Variants in IGDCC4 observed in about 807,000 individuals in gnomAD.
IGDCC4 encodes the protein immunoglobulin superfamily DCC subclass member 4, also known as likely ortholog of mouse neighbor of Punc E11.
IGDCC4 carries 72 observed loss-of-function variants against 116.6 expected under a neutral mutation model. That is an observed-to-expected ratio of 0.62 (90% CI 0.51 to 0.75). The LOEUF is 0.75. IGDCC4 is among the 30% of genes least tolerant of loss of function. The pLI is 0.00. For missense variants in IGDCC4, 1,501 were observed against 1,662.4 expected, an observed-to-expected ratio of 0.90 and a Z score of 1.69; for synonymous variants, 709 against 719.9, an observed-to-expected ratio of 0.98 and a Z score of 0.24.
At chr15:65,407,488 G>A (rs900234262) in intron 3 of IGDCC4, among the ~76,000 whole-genome samples, 13 of 144,986 alleles carry the variant, frequency 9.0e-5, no homozygotes, top group South Asian at 2.2e-4. Flanking sequence ...GTTTATAGGC[G>A]CCTGCCACCA....
At chr15:65,398,222 T>G (rs979186335) in intron 5 of IGDCC4, among the ~76,000 whole-genome samples, 2 of 152,126 alleles carry the variant, frequency 1.3e-5, no homozygotes, top group Admixed American at 1.3e-4. Flanking sequence ...ACGGTGAACA[T>G]GTACAACATT....
At chr15:65,401,385 C>T (rs777737811) in intron 4 of IGDCC4, among the ~76,000 whole-genome samples, 2 of 152,222 alleles carry the variant, frequency 1.3e-5, no homozygotes, top group African/African-American at 2.4e-5. Context: ...AAAAGGCAGA[C>T]AGTGGGCTTG....
intron 1 of IGDCC4, among the ~76,000 whole-genome samples, chr15:65,413,927 T>G (rs143825963): frequency 2.6e-5 from 4 of 152,248 alleles, no homozygotes; most frequent in African/African-American, 9.6e-5. Context: ...ATGTAGCAGG[T>G]GACCTCTGAG....
Position 65,396,886 on chromosome 15 carries a change from G to C in IGDCC4, c.945C>G (p.Asn315Lys). 6.3e-7 allele frequency: 1 copy of C among 1,576,700 alleles called. No individual in the cohort carries two copies. Among genetic ancestry groups the C allele is most frequent in the African/African-American group, 1.3e-5 (1 of 74,374 alleles). ...WHSGVYVCRA[N>K]KPRTRDFATA... ...TGGCGAAGTCGCGCGTGCGGGGCTT[G>C]TTGGCGCGGCAGACATAGACGCCGG... The change falls in exon 6 of 20, where the codon AAC becomes AAG. Residue 315 changes from asparagine to lysine, a missense_variant. Physicochemically the swap from Asn to Lys is moderately conservative, Grantham distance 94. Around this residue, in one of 3 missense-constraint regions of IGDCC4, gnomAD observed 898 missense variants for 978.9 expected, o/e 0.92. Coordinates refer to ENST00000352385, the MANE Select transcript of IGDCC4 (RefSeq NM_020962.3).
chr15:65,410,601 G>A (rs988708449), intron 2 of IGDCC4: 3 of 506,190 alleles, frequency 5.9e-6, no homozygotes, highest in South Asian at 4.5e-5. Flanking sequence ...GTTACTTCAT[G>A]GTGATCTGTG....
At chr15:65,403,789 C>A (rs2063014453) in intron 3 of IGDCC4, among the ~76,000 whole-genome samples, 1 of 152,002 alleles carries the variant, frequency 6.6e-6, no homozygotes, top group African/African-American at 2.4e-5. Flanking sequence ...GTGTTCCCTG[C>A]CCTCTGGGCT....
At chr15:65,421,288 T>A (rs1207091033) in intron 1 of IGDCC4, among the ~76,000 whole-genome samples, 1 of 152,110 alleles carries the variant, frequency 6.6e-6, no homozygotes, top group Non-Finnish European at 1.5e-5. Context: ...GACCCTGAGC[T>A]CGTTCCAGGA....
chr15:65,389,428 C>T lies in IGDCC4; in HGVS notation c.2409-17G>A, dbSNP rs1390699065. 5.0e-6 allele frequency: 8 copies of T among 1,614,038 alleles called. No individual in the cohort carries two copies. The highest frequency in any genetic ancestry group is 4.5e-5 in the East Asian group (2 of 44,884). ...TCTCCAGAACTGCTAAGGCAAGAAA[C>T]GTGACTAGTGCTCTCAGGCACACTC... On this transcript the variant is annotated splice_polypyrimidine_tract_variant and intron_variant, in intron 13 of 19. Transcript: ENST00000352385.
intron 3 of IGDCC4, among the ~76,000 whole-genome samples, chr15:65,402,738 A>G (rs1046587026): frequency 2.6e-5 from 4 of 152,124 alleles, no homozygotes; most frequent in Non-Finnish European, 1.5e-5. Flanking sequence ...GTAGTGGTGC[A>G]TGCCTGTAAT....
chr15:65,384,249 C>T lies in IGDCC4; in HGVS notation c.3513G>A (p.Gly1171=), dbSNP rs1445685269. 6.2e-7 allele frequency: 1 copy of T among 1,600,466 alleles called. No homozygotes were observed. Among genetic ancestry groups the T allele is most frequent in the Non-Finnish European group, 8.5e-7 (1 of 1,171,046 alleles). The change falls in exon 20 of 20, where the codon GGG becomes GGA. Residue 1171 remains glycine (G), a synonymous_variant. Transcript: ENST00000352385. The surrounding 1 kb of genome is among the most constrained non-coding windows in gnomAD (Gnocchi z 4.9). The stretch of plus-strand genomic sequence containing the variant: ...GCCAGGCTGCCCCCTGCCCTGGATC[C>T]CCAACACCCGAGATGAGATCAGGAG... ...PEAPDLISGV[G]DPGQGAAWLD...
In IGDCC4 at chr15:65,395,266, C is replaced by G. The variant is rs1263682313; in HGVS notation, c.1412-8G>C. 1.2e-6 allele frequency: 2 copies of G among 1,604,630 alleles called. No homozygotes were observed. The highest frequency in any genetic ancestry group is 4.5e-5 in the East Asian group (2 of 44,580). ...ATTCCACATTGTCCATGCCTGGTGACACGGGGGACAAGGGGACTGTCATAG... is the reference window on the plus strand; with the variant it reads ...ATTCCACATTGTCCATGCCTGGTGAGACGGGGGACAAGGGGACTGTCATAG... On this transcript the variant is annotated splice_polypyrimidine_tract_variant and splice_region_variant and intron_variant, in intron 7 of 19. Transcript: ENST00000352385.
rs369041917 is a variant in IGDCC4, at chr15:65,411,060, G to C, written c.381C>G (p.Leu127=). ...CAGCAGTCTGGCTGGCCAGCACTCC[G>C]AGGGGGCCGTGGGCTAGGCACGAAT... The part of the protein sequence containing the change: ...GNYSCLAHGP[L]GVLASQTAVV... Residue 127 remains leucine, a synonymous_variant, in exon 2 of 20, where the codon CTC becomes CTG. Transcript: ENST00000352385. 5.0e-6 allele frequency: 8 copies of C among 1,613,590 alleles called. No homozygotes were observed. Among genetic ancestry groups the C allele is most frequent in the Non-Finnish European group, 1.7e-6 (2 of 1,179,738 alleles).
At chr15:65,387,683 A>C (rs909013296) in intron 16 of IGDCC4, among the ~76,000 whole-genome samples, 1 of 151,856 alleles carries the variant, frequency 6.6e-6, no homozygotes. Context: ...AATAAGGGAT[A>C]GCACCTTTTC....
rs2062920894 is a variant in IGDCC4 at position 65,395,944 on chromosome 15, A to C, written c.1217T>G (p.Val406Gly). 6.3e-7 allele frequency: 1 copy of C among 1,589,766 alleles called. No individual in the cohort carries two copies. The change falls in exon 7 of 20, where the codon GTG becomes GGG. Residue 406 changes from valine to glycine, a missense_variant. This residue lies in a region of IGDCC4 where 898 missense variants were observed against 978.9 expected (regional missense o/e 0.92). Transcript: ENST00000352385. ...GLQDAGYYQC[V>G]AENSAGMACA... ...CGCCATTCCCGCGCTGTTCTCAGCCACGCACTGGTAGTAGCCGGCGTCCTG... is the reference window on the plus strand; with the variant it reads ...CGCCATTCCCGCGCTGTTCTCAGCCCCGCACTGGTAGTAGCCGGCGTCCTG...
intron 5 of IGDCC4, among the ~76,000 whole-genome samples, chr15:65,400,200 C>T (rs933394463): frequency 1.3e-4 from 20 of 152,244 alleles, no homozygotes; most frequent in African/African-American, 4.6e-4. Context: ...TCCAGTCACT[C>T]AGTGGCACTT....
intron 3 of IGDCC4, among the ~76,000 whole-genome samples, chr15:65,407,697 G>T (rs1414596816): frequency 6.6e-6 from 1 of 150,380 alleles, no homozygotes; most frequent in African/African-American, 2.5e-5. Flanking sequence ...CTCAATTTTG[G>T]CTCACTGCAA....
chr15:65,413,927 T>C (rs143825963), intron 1 of IGDCC4, among the ~76,000 whole-genome samples: 2 of 152,366 alleles, frequency 1.3e-5, no homozygotes, highest in African/African-American at 2.4e-5. Flanking sequence ...ATGTAGCAGG[T>C]GACCTCTGAG....
chr15:65,389,617 C>G (rs1384900060), intron 13 of IGDCC4, among the ~76,000 whole-genome samples: 1 of 152,176 alleles, frequency 6.6e-6, no homozygotes, highest in Non-Finnish European at 1.5e-5. Context: ...AATCTCGAAA[C>G]CAGACCCCTT....
chr15:65,415,751 C>T (rs1240028588), intron 1 of IGDCC4, among the ~76,000 whole-genome samples: 1 of 152,194 alleles, frequency 6.6e-6, no homozygotes, highest in Non-Finnish European at 1.5e-5. Context: ...TAAGAGGGTT[C>T]TCTCTGCCTC....
Sources: gnomAD v4.1 joint callset for allele counts (sites outside exome capture counted in the v4.1 genomes callset) on GRCh38, gnomAD v4.1.1 for gene constraint, gnomAD v4.1.1 regional missense constraint, Gnocchi (gnomAD v3.1) non-coding constraint, MANE v1.5 for transcripts, NCBI Gene and HGNC (gene_info 2026-07-23, HGNC 2026-07-21) for gene names.